Variants in IGSF21 observed in about 807,000 individuals in gnomAD.
IGSF21 encodes immunoglobin superfamily member 21.
Under a neutral mutation model 46.8 loss-of-function variants are expected in IGSF21, and 28 were observed. The ratio of observed to expected loss-of-function variants is 0.60; its 90% CI spans 0.44 to 0.82. The LOEUF is 0.82. IGSF21 is among the 40% of genes least tolerant of loss of function. The pLI is 0.00. For missense variants in IGSF21, 624 were observed against 665.5 expected, an observed-to-expected ratio of 0.94 and a Z score of 0.69; for synonymous variants, 284 against 273.6, an observed-to-expected ratio of 1.04 and a Z score of -0.38.
At chr1:18,208,376 A>ATATATAT (rs1557588190) in intron 1 of IGSF21, among the ~76,000 whole-genome samples, 590 of 22,040 alleles carry the variant, frequency 0.027, 34 homozygotes, top group African/African-American at 0.099. Flanking sequence ...GTTTAGGAAT[A>ATATATAT]ATATATATAT....
At chr1:18,150,638 C>A (rs866711753) in intron 1 of IGSF21, among the ~76,000 whole-genome samples, 1 of 152,168 alleles carries the variant, frequency 6.6e-6, no homozygotes, top group Non-Finnish European at 1.5e-5. Flanking sequence ...AGTCCACATA[C>A]ATTTGACCCC....
At chr1:18,313,170 C>A (rs890496882) in intron 3 of IGSF21, among the ~76,000 whole-genome samples, 1 of 152,120 alleles carries the variant, frequency 6.6e-6, no homozygotes, top group Non-Finnish European at 1.5e-5. Flanking sequence ...GGAGGACCGC[C>A]GGGAGGAAGG....
chr1:18,271,894 G>A (rs183817799), intron 2 of IGSF21, among the ~76,000 whole-genome samples: 7 of 152,272 alleles, frequency 4.6e-5, no homozygotes, highest in East Asian at 1.9e-4. Flanking sequence ...AGTGTGGCTC[G>A]TGATGGACCA....
intron 2 of IGSF21, among the ~76,000 whole-genome samples, chr1:18,276,563 G>A (rs572715745): frequency 9.2e-5 from 14 of 152,070 alleles, no homozygotes; most frequent in South Asian, 6.2e-4. Context: ...TAGACCCCCC[G>A]ACCCCCGCCA....
chr1:18,288,312 G>A (rs2085234618), intron 2 of IGSF21, among the ~76,000 whole-genome samples: 1 of 152,152 alleles, frequency 6.6e-6, no homozygotes, highest in African/African-American at 2.4e-5. Flanking sequence ...TTCCCTCCAA[G>A]GGGATTCTTG....
intron 6 of IGSF21, among the ~76,000 whole-genome samples, chr1:18,370,382 T>G (rs915149722): frequency 6.6e-6 from 1 of 152,134 alleles, no homozygotes; most frequent in African/African-American, 2.4e-5. Flanking sequence ...AAAATGACCC[T>G]GAAACAAATG....
At chr1:18,342,866 T>A (rs1279401466) in intron 4 of IGSF21, among the ~76,000 whole-genome samples, 1 of 152,256 alleles carries the variant, frequency 6.6e-6, no homozygotes, top group East Asian at 1.9e-4. Flanking sequence ...TTTCCACTTT[T>A]TGGCTATTAT....
At chr1:18,171,515 G>A (rs755069316) in intron 1 of IGSF21, among the ~76,000 whole-genome samples, 4 of 152,260 alleles carry the variant, frequency 2.6e-5, no homozygotes, top group South Asian at 2.1e-4. Flanking sequence ...AGTCCCCAGC[G>A]TCAGAAAGTT....
chr1:18,254,630 C>G lies in IGSF21; in HGVS notation c.183+26620C>G, dbSNP rs528596910. Among the ~76,000 whole-genome samples, 129 of 152,304 alleles carry G rather than the reference C, an allele frequency of 8.5e-4. 1 individual carries two copies. The highest frequency in any genetic ancestry group is 7.1e-3 in the Admixed American group (109 of 15,294). Reference sequence around the variant, plus strand: ...AAAGCCATTGCTCCCAAAGGGGTATCTCTCTGTCAGGTGGCCTTCTCAGGT... The same window carrying G: ...AAAGCCATTGCTCCCAAAGGGGTATGTCTCTGTCAGGTGGCCTTCTCAGGT... On this transcript the variant is annotated intron_variant, in intron 2 of 9. Coordinates refer to ENST00000251296, the MANE Select transcript of IGSF21 (RefSeq NM_032880.5).
intron 1 of IGSF21, among the ~76,000 whole-genome samples, chr1:18,186,847 TCTG>T (rs2124473098): frequency 6.6e-6 from 1 of 152,228 alleles, no homozygotes; most frequent in African/African-American, 2.4e-5. Flanking sequence ...TGGGGTAACT[TCTG>T]CTCATTCTTC....
chr1:18,190,970 C>T (rs1015084144), intron 1 of IGSF21, among the ~76,000 whole-genome samples: 1 of 152,144 alleles, frequency 6.6e-6, no homozygotes, highest in Non-Finnish European at 1.5e-5. Flanking sequence ...CTGGGGCTGA[C>T]ACATCGCTGG....
At chr1:18,203,044 G>C (rs1389290545) in intron 1 of IGSF21, among the ~76,000 whole-genome samples, 1 of 152,138 alleles carries the variant, frequency 6.6e-6, no homozygotes, top group Non-Finnish European at 1.5e-5. Flanking sequence ...GGCTAGCTGG[G>C]TAACACTGGG....
At chr1:18,145,811 G>C (rs1175207515) in intron 1 of IGSF21, among the ~76,000 whole-genome samples, 1 of 152,154 alleles carries the variant, frequency 6.6e-6, no homozygotes, top group African/African-American at 2.4e-5. Flanking sequence ...ATGCCCTTGG[G>C]CTCCCCTGCC....
At chr1:18,176,844 C>A (rs1007519878) in intron 1 of IGSF21, among the ~76,000 whole-genome samples, 3 of 152,186 alleles carry the variant, frequency 2.0e-5, no homozygotes, top group Non-Finnish European at 4.4e-5. Context: ...TTGGGGGCTA[C>A]CCTGGGGCTT....
At chr1:18,115,873 G>GAAA (rs2086184631) in intron 1 of IGSF21, 1 of 99,774 alleles carries the variant, frequency 1.0e-5, no homozygotes, top group South Asian at 6.1e-4. Flanking sequence ...AAGAAAGAAA[G>GAAA]AAAGAAAGAA....
chr1:18,198,441 C>T (rs771649346), intron 1 of IGSF21, among the ~76,000 whole-genome samples: 74 of 152,296 alleles, frequency 4.9e-4, no homozygotes, highest in Admixed American at 9.8e-4. Flanking sequence ...TGAGTGAGCC[C>T]AGGAGCCAGG....
rs869254424 is a variant in IGSF21, at chr1:18,200,286, TTAG to T, written c.71-27608_71-27606del. 2.6e-5 allele frequency among the ~76,000 whole-genome samples: 4 copies of T among 152,218 alleles called. No individual in the cohort carries two copies. The East Asian group carries it at 7.7e-4, about 29-fold the overall frequency. ...AATTATCTAGGGAAATGCCTGGGGC[TTAG>T]TAGGTAGACAGCGCCCCCCTTTGCT... is the stretch of plus-strand genomic sequence containing the variant. On this transcript the variant is annotated intron_variant, in intron 1 of 9. Transcript: ENST00000251296.
chr1:18,137,442 C>T (rs1486510357), intron 1 of IGSF21, among the ~76,000 whole-genome samples: 1 of 152,138 alleles, frequency 6.6e-6, no homozygotes, highest in East Asian at 1.9e-4. Flanking sequence ...TAATGCTCAC[C>T]CCACCCTAAG....
rs746757068 is a variant in IGSF21 at position 18,378,279 on chromosome 1, C to T, written c.1357C>T (p.Arg453Trp). The change falls in exon 10 of 10, where the codon CGG (arginine) becomes TGG (tryptophan). Residue 453 changes from arginine to tryptophan, a missense_variant. Coordinates refer to ENST00000251296, the MANE Select transcript of IGSF21 (RefSeq NM_032880.5). ...AGGTTCCATTGGCCCCACTGGTGCC[C>T]GGCTCACCTTGGTGCTCGCCCTGAC... is the stretch of plus-strand genomic sequence containing the variant. ...SNGSIGPTGA[R>W]LTLVLALTVI... 1.7e-5 allele frequency: 28 copies of T among 1,613,872 alleles called. No homozygotes were observed. The highest frequency in any genetic ancestry group is 1.4e-4 in the South Asian group (13 of 91,074).
Sources: allele counts gnomAD v4.1 joint callset (sites outside exome capture counted in the v4.1 genomes callset), GRCh38; gene constraint gnomAD v4.1.1; transcripts MANE v1.5; gene names NCBI Gene and HGNC (gene_info 2026-07-23, HGNC 2026-07-21).